Variants in DMRT1 observed in about 807,000 individuals in gnomAD.
DMRT1 encodes doublesex- and mab-3-related transcription factor 1.
DMRT1 carries 7 observed loss-of-function variants against 32.3 expected under a neutral mutation model. That is an observed-to-expected ratio of 0.22 (90% CI 0.12 to 0.41). The LOEUF is 0.41. Among genes scored for constraint, DMRT1 ranks in the 10% least tolerant of loss-of-function variants. The pLI, the probability that DMRT1 is intolerant of heterozygous loss-of-function variation, is 1.00. For synonymous variants in DMRT1, 278 were observed against 206.1 expected (o/e 1.35, Z -2.99); for missense variants, 625 against 500.5 (o/e 1.25, Z -2.37).
chr9:857,293 C>G (rs916371223), intron 2 of DMRT1, among the ~76,000 whole-genome samples: 7 of 146,130 alleles, frequency 4.8e-5, no homozygotes, highest in Non-Finnish European at 7.7e-5. Context: ...GGTGACAGAG[C>G]AAGACTCTAT....
intron 4 of DMRT1, among the ~76,000 whole-genome samples, chr9:963,250 C>T (rs181327933): frequency 2.6e-5 from 4 of 152,268 alleles, no homozygotes; most frequent in African/African-American, 7.2e-5. Context: ...GTTCTCTCTA[C>T]AATACGCAAA....
chr9:941,838 A>G (rs1354500491), intron 4 of DMRT1, among the ~76,000 whole-genome samples: 1 of 152,232 alleles, frequency 6.6e-6, no homozygotes, highest in Non-Finnish European at 1.5e-5. Flanking sequence ...CACATTGATG[A>G]ATGTCCTAAT....
chr9:843,366 C>G (rs573912782), intron 1 of DMRT1, among the ~76,000 whole-genome samples: 38 of 152,344 alleles, frequency 2.5e-4, no homozygotes, highest in Non-Finnish European at 5.1e-4. Flanking sequence ...GGCTGAGCGC[C>G]TCAGCCATTT....
chr9:851,312 C>T (rs1839142481), intron 2 of DMRT1, among the ~76,000 whole-genome samples: 1 of 152,136 alleles, frequency 6.6e-6, no homozygotes, highest in Admixed American at 6.6e-5. Context: ...AATCTTGGCT[C>T]ACTGCAACCT....
At position 911,470 on chromosome 9, in the gene DMRT1, A is replaced by ATTTT. The variant is rs201141931; in HGVS notation, c.823-5255_823-5252dup. 2.2e-4 allele frequency among the ~76,000 whole-genome samples: 15 copies of ATTTT among 66,996 alleles called. 1 individual carries two copies. The highest frequency in any genetic ancestry group is 4.8e-4 in the Admixed American group (3 of 6,276). 44.0% of individuals were successfully genotyped at this position (66,996 alleles called of 152,430 possible). A position where few individuals can be genotyped will look rare whatever the true frequency, so the allele number is the denominator to read the frequency against. ...CCATGCCTTTTTCTGGGTTAATTGC[A>ATTTT]TTTTTTTTTTTTTTTTTTTTTTTTT... On this transcript the variant is annotated intron_variant, in intron 3 of 4. Transcript: ENST00000382276.
chr9:882,190 T>G (rs1320512821), intron 2 of DMRT1, among the ~76,000 whole-genome samples: 1 of 152,202 alleles, frequency 6.6e-6, no homozygotes. Flanking sequence ...TCCTCCTAAC[T>G]TTAGCATGCC....
intron 4 of DMRT1, among the ~76,000 whole-genome samples, chr9:925,156 C>T (rs1281347454): frequency 5.9e-5 from 9 of 152,076 alleles, no homozygotes; most frequent in South Asian, 4.2e-4. Flanking sequence ...GGGTCAGCTT[C>T]GTACTCCTCC....
At chr9:865,209 G>T (rs1280739996) in intron 2 of DMRT1, among the ~76,000 whole-genome samples, 4 of 152,170 alleles carry the variant, frequency 2.6e-5, no homozygotes, top group Admixed American at 2.0e-4. Flanking sequence ...TGGGAAAAGA[G>T]ATTTGTTGTT....
chr9:884,631 C>T (rs570726746), intron 2 of DMRT1, among the ~76,000 whole-genome samples: 1 of 152,294 alleles, frequency 6.6e-6, no homozygotes, highest in South Asian at 2.1e-4. Flanking sequence ...TCCTTCTGAT[C>T]TTTTGTTCTT....
At chr9:907,561 G>A (rs4742545) in intron 3 of DMRT1, among the ~76,000 whole-genome samples, 125,479 of 152,164 alleles carry the variant, frequency 0.82, 52,371 homozygotes, top group South Asian at 0.92. Context: ...TTTTCTTACT[G>A]TTTACCTCCT....
chr9:900,937 C>T (rs1817548860), intron 3 of DMRT1, among the ~76,000 whole-genome samples: 1 of 152,090 alleles, frequency 6.6e-6, no homozygotes, highest in African/African-American at 2.4e-5. Context: ...AGTGAGCCTC[C>T]TGCCTCAGCC....
chr9:855,730 C>T (rs1815371605), intron 2 of DMRT1, among the ~76,000 whole-genome samples: 1 of 152,304 alleles, frequency 6.6e-6, no homozygotes, highest in Admixed American at 6.5e-5. Context: ...GCAATTCTTC[C>T]ACTTCAGTCC....
Position 841,943 on chromosome 9 carries a change from T to C in DMRT1, c.105T>C (p.Ser35=). The change falls in exon 1 of 5, where the codon TCT becomes TCC. Residue 35 remains serine, a synonymous_variant. Coordinates refer to ENST00000382276, the MANE Select transcript of DMRT1 (RefSeq NM_021951.3). ...GAGCCGGGGGCTTTGGCAAAGCGTCTGGGGCGCTAGTGGGGGCGGCCAGCG... is the reference window on the plus strand; with the variant it reads ...GAGCCGGGGGCTTTGGCAAAGCGTCCGGGGCGCTAGTGGGGGCGGCCAGCG... ...QGRAGGFGKA[S]GALVGAASGS... 6.2e-7 allele frequency: 1 copy of C among 1,602,314 alleles called. No individual in the cohort carries two copies. The highest frequency in any genetic ancestry group is 8.5e-7 in the Non-Finnish European group (1 of 1,174,902).
intron 4 of DMRT1, among the ~76,000 whole-genome samples, chr9:932,026 C>T (rs993711074): frequency 1.3e-5 from 2 of 152,178 alleles, no homozygotes; most frequent in African/African-American, 2.4e-5. Flanking sequence ...CCCCAGCCCA[C>T]GTCAGGCCCT....
chr9:902,511 G>C (rs969372377), intron 3 of DMRT1, among the ~76,000 whole-genome samples: 3 of 149,934 alleles, frequency 2.0e-5, no homozygotes, highest in Non-Finnish European at 4.4e-5. Flanking sequence ...TTTTTAGATG[G>C]AGTCTTGCTG....
At position 958,780 on chromosome 9, in the gene DMRT1, A is replaced by G. The variant is rs796357519; in HGVS notation, c.968-9205A>G. On this transcript the variant is annotated intron_variant, in intron 4 of 4. Transcript: ENST00000382276. ...TTTATTAGAGATTATATAAATCTAAAGTGAAAGGCTAACTGCAGTTTGTGG... is the reference window on the plus strand; with the variant it reads ...TTTATTAGAGATTATATAAATCTAAGGTGAAAGGCTAACTGCAGTTTGTGG... Among the ~76,000 whole-genome samples the G allele has an allele frequency of 1.3e-4, 20 of 152,402 alleles. 1 individual carries two copies. Among genetic ancestry groups the G allele is most frequent in the African/African-American group, 4.8e-4 (20 of 41,598 alleles).
At chr9:842,309 A>G in intron 1 of DMRT1, 117 bp downstream of exon 1, 1 of 1,324,594 alleles carries the variant, frequency 7.5e-7, no homozygotes, top group Non-Finnish European at 1.0e-6. Context: ...ATCTTGGCTC[A>G]CTGCAACCTC....
intron 2 of DMRT1, among the ~76,000 whole-genome samples, chr9:851,060 C>T (rs1290849224): frequency 8.0e-6 from 1 of 124,702 alleles, no homozygotes; most frequent in African/African-American, 2.9e-5. Flanking sequence ...GAAAAATAGA[C>T]GTGGAAGGCT....
intron 3 of DMRT1, among the ~76,000 whole-genome samples, chr9:906,150 C>G (rs1457608653): frequency 6.6e-6 from 1 of 152,110 alleles, no homozygotes. Flanking sequence ...GGTGGACTCC[C>G]TTCATGGTCT....
Sources: gnomAD v4.1 joint callset for allele counts (sites outside exome capture counted in the v4.1 genomes callset) on GRCh38, gnomAD v4.1.1 for gene constraint, MANE v1.5 for transcripts, NCBI Gene and HGNC (gene_info 2026-07-23, HGNC 2026-07-21) for gene names.